EED: variants seen among roughly 807,000 people sequenced by gnomAD.
EED encodes embryonic ectoderm development.
Under a neutral mutation model 61.0 loss-of-function variants are expected in EED, and 9 were observed. The observed-to-expected ratio is 0.15, with a 90% CI of 0.09 to 0.26. EED has a LOEUF of 0.26. EED is among the 10% of genes least tolerant of loss of function. The pLI, the probability that EED is intolerant of heterozygous loss-of-function variation, is 1.00. For missense variants in EED, 315 were observed against 542.3 expected (o/e 0.58, Z 4.16); for synonymous variants, 187 against 174.4 (o/e 1.07, Z -0.57).
intron 9 of EED, among the ~76,000 whole-genome samples, chr11:86,275,321 G>C (rs1946204631): frequency 6.6e-6 from 1 of 152,120 alleles, no homozygotes; most frequent in African/African-American, 2.4e-5. Context: ...TCTGCTCTTA[G>C]AACTTAGATC....
chr11:86,247,152 A>G (rs529960622), intron 1 of EED, among the ~76,000 whole-genome samples: 3 of 152,346 alleles, frequency 2.0e-5, no homozygotes, highest in South Asian at 4.1e-4. Flanking sequence ...CCCTTACAGG[A>G]AAACATATTC....
chr11:86,269,693 A>T (rs1168401983), intron 9 of EED, among the ~76,000 whole-genome samples: 1 of 152,188 alleles, frequency 6.6e-6, no homozygotes, highest in Admixed American at 6.5e-5. Context: ...TGACACTGGT[A>T]CAATGTGTGT....
At chr11:86,264,489 G>C (rs1460674327) in intron 7 of EED, 4 of 351,234 alleles carry the variant, frequency 1.1e-5, no homozygotes, top group African/African-American at 8.4e-5. Context: ...CCAATCCCTG[G>C]AGTCTTATGA....
intron 9 of EED, chr11:86,270,145 T>C (rs1357319418): frequency 1.4e-6 from 1 of 701,114 alleles, no homozygotes; most frequent in East Asian, 2.7e-5. Flanking sequence ...CTCCGAATCT[T>C]CGCCAGCATT....
intron 7 of EED, 105 bp downstream of exon 7, chr11:86,264,368 G>A (rs1474267203): frequency 1.1e-5 from 8 of 722,080 alleles, no homozygotes; most frequent in Non-Finnish European, 1.6e-5. Context: ...TAGCCTGTCA[G>A]GCAGACATTC....
At chr11:86,263,172 G>A (rs1296171297) in intron 6 of EED, among the ~76,000 whole-genome samples, 1 of 152,132 alleles carries the variant, frequency 6.6e-6, no homozygotes, top group Non-Finnish European at 1.5e-5. Flanking sequence ...CACTGAATGA[G>A]ACCAACCTCA....
In EED at chr11:86,256,985, T is replaced by C. The variant is rs1382301800; in HGVS notation, c.552+473T>C. Among the ~76,000 whole-genome samples the C allele has an allele frequency of 2.0e-5, 3 of 152,254 alleles. No homozygotes were observed. In the East Asian group the frequency reaches 5.8e-4, roughly 29 times the overall value. The stretch of plus-strand genomic sequence containing the variant: ...GAGGATGCTTAAAACCCTACGCATA[T>C]TGGAGCCTCCGCTAATCCGATCAGA... On this transcript the variant is annotated intron_variant, in intron 5 of 11. Coordinates refer to ENST00000263360, the MANE Select transcript of EED (RefSeq NM_003797.5).
Position 86,278,487 on chromosome 11 carries a change from G to C in EED, c.1288G>C (p.Asp430His). ...TAGCAGCATTCTTATAGCTGTTTGT[G>C]ATGATGCCAGTATTTGGCGCTGGGA... ...RDSSILIAVC[D>H]DASIWRWDRL... The change falls in exon 12 of 12, where the codon GAT becomes CAT. Residue 430 changes from aspartate to histidine, a missense_variant. By Grantham distance (81) the Asp-to-His change is moderately conservative. Coordinates refer to ENST00000263360, the MANE Select transcript of EED (RefSeq NM_003797.5). 6.2e-7 allele frequency: 1 copy of C among 1,613,606 alleles called. No homozygotes were observed. Among genetic ancestry groups the C allele is most frequent in the Non-Finnish European group, 8.5e-7 (1 of 1,179,772 alleles).
At chr11:86,255,892 ACAAGG>A (rs1436186190) in intron 4 of EED, among the ~76,000 whole-genome samples, 1 of 152,208 alleles carries the variant, frequency 6.6e-6, no homozygotes, top group Non-Finnish European at 1.5e-5. Flanking sequence ...AGCAAACAAG[ACAAGG>A]CAAGGACATT....
chr11:86,245,211 T>C lies in EED; in HGVS notation c.-19T>C. On this transcript the variant is annotated 5_prime_UTR_variant, in exon 1 of 12. Coordinates refer to ENST00000263360, the MANE Select transcript of EED (RefSeq NM_003797.5). ...GGCCCCGCCCCAGGCGGCAGGAACC[T>C]GGAGGGAGGCGGAGGAATATGTCCG... The C allele has an allele frequency of 6.2e-7, 1 of 1,604,182 alleles. No individual in the cohort carries two copies. The highest frequency in any genetic ancestry group is 1.1e-5 in the South Asian group (1 of 90,634).
At chr11:86,274,768 T>C (rs1401422761) in intron 9 of EED, among the ~76,000 whole-genome samples, 2 of 152,130 alleles carry the variant, frequency 1.3e-5, no homozygotes, top group Non-Finnish European at 2.9e-5. Context: ...ATGTCCTAAC[T>C]CTATTAGGCC....
At chr11:86,270,211 C>T (rs1267609568) in intron 9 of EED, 1 of 632,394 alleles carries the variant, frequency 1.6e-6, no homozygotes, top group Non-Finnish European at 2.9e-6. Context: ...AGTGATATCT[C>T]ATCGTGGTCT....
Position 86,260,517 on chromosome 11 carries a change from C to CTGCACCTGGCT in EED, c.634+2924_634+2925insACCTGGCTTGC, listed in dbSNP as rs1555178215. ...GTGCTGGGATTACAGGTGTGAGCTA[C>CTGCACCTGGCT]TGCTGTACATTCTTTATTAATGTTT... On this transcript the variant is annotated intron_variant, in intron 6 of 11. Transcript: ENST00000263360. 2.1e-4 allele frequency among the ~76,000 whole-genome samples: 3 copies of CTGCACCTGGCT among 14,090 alleles called. No individual in the cohort carries two copies. The East Asian group carries it at 5.5e-3, about 26-fold the overall frequency. The allele number at this position is 14,090 out of a possible 152,430, so 9.2% of individuals were successfully genotyped here.
At chr11:86,258,173 G>A (rs1292693193) in intron 6 of EED, among the ~76,000 whole-genome samples, 5 of 152,014 alleles carry the variant, frequency 3.3e-5, no homozygotes, top group Middle Eastern at 3.4e-3. Context: ...TAAAAAAAAG[G>A]TTATAACAGT....
intron 1 of EED, among the ~76,000 whole-genome samples, chr11:86,248,497 G>A (rs1472859042): frequency 6.6e-6 from 1 of 152,150 alleles, no homozygotes; most frequent in African/African-American, 2.4e-5. Context: ...AATGGCAAGT[G>A]AACACATGTT....
At chr11:86,262,485 A>T (rs141826305) in intron 6 of EED, among the ~76,000 whole-genome samples, 1 of 152,114 alleles carries the variant, frequency 6.6e-6, no homozygotes, top group African/African-American at 2.4e-5. Flanking sequence ...TTTTGAGGCA[A>T]GGTCTCATTC....
At position 86,245,241 on chromosome 11, in the gene EED, G is replaced by A. The variant is rs548903343; in HGVS notation, c.12G>A (p.Arg4=). Residue 4 remains arginine, a synonymous_variant, in exon 1 of 12, where the codon AGG becomes AGA. Coordinates refer to ENST00000263360, the MANE Select transcript of EED (RefSeq NM_003797.5). Reference sequence around the variant, plus strand: ...GGAGGCGGAGGAATATGTCCGAGAGGGAAGTGTCGACTGCGCCGGCGGGAA... The same window carrying A: ...GGAGGCGGAGGAATATGTCCGAGAGAGAAGTGTCGACTGCGCCGGCGGGAA... MSE[R]EVSTAPAGTD... is the part of the protein sequence containing the mutation. 1.9e-6 allele frequency: 3 copies of A among 1,613,436 alleles called. No homozygotes were observed. Among genetic ancestry groups the A allele is most frequent in the South Asian group, 1.1e-5 (1 of 91,044 alleles).
downstream of EED, among the ~76,000 whole-genome samples, chr11:86,281,628 T>G (rs954700071): frequency 2.6e-5 from 4 of 152,180 alleles, no homozygotes; most frequent in Non-Finnish European, 5.9e-5. Flanking sequence ...CCATTTTCAT[T>G]TGTCTCAAGG....
At chr11:86,283,038 G>A (rs1946340582), downstream of EED, among the ~76,000 whole-genome samples, 1 of 152,092 alleles carries the variant, frequency 6.6e-6, no homozygotes, top group South Asian at 2.1e-4. Flanking sequence ...GGAGGCTGAG[G>A]CAGGAGGGAA....
Sources: allele counts gnomAD v4.1 joint callset (sites outside exome capture counted in the v4.1 genomes callset), GRCh38; gene constraint gnomAD v4.1.1; transcripts MANE v1.5; gene names NCBI Gene and HGNC (gene_info 2026-07-23, HGNC 2026-07-21).